BRD9: variants seen among roughly 807,000 people sequenced by gnomAD.
BRD9 encodes the protein bromodomain-containing protein 9.
A neutral mutation model predicts 68.7 loss-of-function variants in BRD9; 47 were observed. The ratio of observed to expected loss-of-function variants is 0.68; its 90% CI spans 0.54 to 0.87. The LOEUF (loss-of-function observed/expected upper bound fraction) is 0.87, where lower values mean the gene tolerates loss of function less well. BRD9 is among the 40% of genes least tolerant of loss of function. The pLI is 0.00. For missense variants in BRD9, 670 were observed against 748.4 expected (o/e 0.90, Z 1.22); for synonymous variants, 313 against 293.9 (o/e 1.06, Z -0.67).
chr5:881,159 C>G lies in BRD9; in HGVS notation c.990G>C (p.Gly330=). The change falls in exon 9 of 16, where the codon GGG becomes GGC. Residue 330 remains glycine (G), a synonymous_variant. Coordinates refer to ENST00000467963, the MANE Select transcript of BRD9 (RefSeq NM_023924.5). ...CCACGCTGTAGAGCAGGCTCCCGTC[C>G]CCGTTCCTCTTCAGATAGCCCATCT... is the stretch of plus-strand genomic sequence containing the variant. ...GGKMGYLKRN[G]DGSLLYSVVN... is the part of the protein sequence containing the mutation. 6.2e-7 allele frequency: 1 copy of G among 1,614,102 alleles called. No homozygotes were observed. Among genetic ancestry groups the G allele is most frequent in the Non-Finnish European group, 8.5e-7 (1 of 1,180,034 alleles).
chr5:877,241 C>T (rs1751087441), intron 11 of BRD9, among the ~76,000 whole-genome samples: 1 of 152,328 alleles, frequency 6.6e-6, no homozygotes, highest in South Asian at 2.1e-4. Flanking sequence ...GGAGCCACGG[C>T]CTTGGCCCAG....
At chr5:892,313 G>T in intron 1 of BRD9, 1 of 595,248 alleles carries the variant, frequency 1.7e-6, no homozygotes, top group South Asian at 2.4e-5. Context: ...GCTTCTCCCT[G>T]AGCTCCACAC....
Position 878,426 on chromosome 5 carries a change from G to C in BRD9, c.1200C>G (p.Asp400Glu), listed in dbSNP as rs375651328. The C allele has an allele frequency of 3.1e-6, 5 of 1,614,286 alleles. No homozygotes were observed. In the Admixed American group the frequency reaches 6.7e-5, roughly 22 times the overall value. Residue 400 changes from aspartate to glutamate, a missense_variant, in exon 11 of 16, where the codon GAC becomes GAG. Asp to Glu is a conservative substitution (Grantham distance 45). This residue lies in a region of BRD9 where 280 missense variants were observed against 281.5 expected (regional missense o/e 0.99). Transcript: ENST00000467963. ...LSMQNNSVFGDLKSDEMELLY... is the reference protein window; with the variant it reads ...LSMQNNSVFGELKSDEMELLY... ...GCAGCTCCATCTCGTCCGACTTCAA[G>C]TCGCCAAATACTGAATTATTCTGCA...
intron 14 of BRD9, chr5:865,890 G>A (rs182068314): frequency 7.8e-5 from 21 of 268,806 alleles, no homozygotes; most frequent in Non-Finnish European, 1.2e-4. Context: ...CCACAACCCA[G>A]GATGGGCCTG....
chr5:881,762 C>G (rs1481441653), intron 8 of BRD9: 2 of 155,798 alleles, frequency 1.3e-5, no homozygotes, highest in African/African-American at 4.8e-5. Flanking sequence ...CTGAGAAGAG[C>G]CGGACGTTTG....
chr5:870,322 C>T, intron 14 of BRD9, 151 bp downstream of exon 14: 4 of 632,506 alleles, frequency 6.3e-6, no homozygotes, highest in Middle Eastern at 3.9e-4. Context: ...AGCTATGGTC[C>T]AAAAACCTGG....
rs1254260208 is a variant in BRD9, at chr5:864,406, A to G, written c.*62T>C. The G allele has an allele frequency of 1.4e-6, 2 of 1,398,458 alleles. No individual in the cohort carries two copies. The highest frequency in any genetic ancestry group is 2.0e-6 in the Non-Finnish European group (2 of 1,018,932). 86.6% of individuals were successfully genotyped at this position (1,398,458 alleles called of 1,614,324 possible). A position where few individuals can be genotyped will look rare whatever the true frequency, so the allele number is the denominator to read the frequency against. ...ATCAAAGTCCTTGTCTGATGACAAA[A>G]ACTCTACACGTGCAAAATAAAACTA... On this transcript the variant is annotated 3_prime_UTR_variant, in exon 16 of 16. Transcript: ENST00000467963.
intron 1 of BRD9, 69 bp downstream of exon 1, chr5:892,537 C>T: frequency 6.6e-7 from 1 of 1,514,720 alleles, no homozygotes; most frequent in South Asian, 1.2e-5. Context: ...CCCCCGTCCG[C>T]GTGCCCGGAA....
Position 864,343 on chromosome 5 carries a change from C to G in BRD9, c.*125G>C, listed in dbSNP as rs1321500475. On this transcript the variant is annotated 3_prime_UTR_variant, in exon 16 of 16. Transcript: ENST00000467963. ...CATGATACCACAGACAATTCATTAC[C>G]TCCCCGCGGCTGCTTCCCGCATGCC... is the stretch of plus-strand genomic sequence containing the variant. 2.8e-6 allele frequency: 2 copies of G among 708,992 alleles called. No homozygotes were observed. Among genetic ancestry groups the G allele is most frequent in the Non-Finnish European group, 4.5e-6 (2 of 444,836 alleles). 43.9% of individuals were successfully genotyped at this position (708,992 alleles called of 1,614,324 possible).
chr5:881,223 G>A (rs561978228), intron 8 of BRD9, 41 bp from the exon 9 acceptor site: 10 of 1,582,750 alleles, frequency 6.3e-6, no homozygotes, highest in Non-Finnish European at 8.7e-6. Flanking sequence ...CCTCAGGAGG[G>A]GCAGCGCAGC....
rs1753646579 is a variant in BRD9, at chr5:892,709, G to A, written c.-52C>T. On this transcript the variant is annotated 5_prime_UTR_variant, in exon 1 of 16. Transcript: ENST00000467963. The stretch of plus-strand genomic sequence containing the variant: ...GGGGGCTGGGAACAGCTGGCACCCG[G>A]TCGGACCTTGGCCGCCACCGCCCCC... 2.3e-6 allele frequency: 3 copies of A among 1,323,774 alleles called. No individual in the cohort carries two copies. The highest frequency in any genetic ancestry group is 4.1e-5 in the Admixed American group (1 of 24,128). 82.0% of individuals were successfully genotyped at this position (1,323,774 alleles called of 1,614,324 possible). A position where few individuals can be genotyped will look rare whatever the true frequency, so the allele number is the denominator to read the frequency against.
chr5:891,542 C>A (rs1753401527), intron 2 of BRD9, 98 bp downstream of exon 2: 1 of 1,481,132 alleles, frequency 6.8e-7, no homozygotes, highest in Non-Finnish European at 8.9e-7. Flanking sequence ...CCCCTCCCCT[C>A]CTCCAGCCAC....
Position 891,813 on chromosome 5 carries a change from G to A in BRD9, c.94C>T (p.Leu32=), listed in dbSNP as rs1753454477. The A allele has an allele frequency of 1.3e-6, 2 of 1,551,592 alleles. No individual in the cohort carries two copies. Among genetic ancestry groups the A allele is most frequent in the Non-Finnish European group, 1.7e-6 (2 of 1,146,976 alleles). ...GTCACTTCACTTCCTCCGACCTTCA[G>A]GACTAGCTTTAGAGGCTTCTCCAGG... The part of the protein sequence containing the change: ...KPLEKPLKLV[L]KVGGSEVTEL... Residue 32 remains leucine (L), a synonymous_variant, in exon 2 of 16, where the codon CTG becomes TTG. Transcript: ENST00000467963.
rs1753551075 is a variant in BRD9 at position 892,262 on chromosome 5, G to C, written c.52+344C>G. The C allele has an allele frequency of 8.5e-6, 4 of 470,848 alleles. No individual in the cohort carries two copies. The East Asian group carries it at 1.7e-4, about 20-fold the overall frequency. 29.2% of individuals were successfully genotyped at this position (470,848 alleles called of 1,614,324 possible). ...TGACACCCATGGAGCTGCTGCGGGA[G>C]CAAGGGAGAGGGAGGGAAAGGCGGG... On this transcript the variant is annotated intron_variant, in intron 1 of 15. Transcript: ENST00000467963.
At chr5:865,112 T>G (rs1472147649) in intron 15 of BRD9, among the ~76,000 whole-genome samples, 3 of 152,136 alleles carry the variant, frequency 2.0e-5, no homozygotes, top group East Asian at 3.9e-4. Context: ...CCATGCTCTC[T>G]CCCCAGCAGA....
intron 14 of BRD9, among the ~76,000 whole-genome samples, chr5:868,394 C>T (rs1579903614): frequency 6.6e-6 from 1 of 152,222 alleles, no homozygotes; most frequent in East Asian, 1.9e-4. Flanking sequence ...GTAATAAGGA[C>T]AAAATCTTAG....
chr5:884,214 T>C, intron 7 of BRD9, 144 bp from the exon 8 acceptor site: 1 of 961,676 alleles, frequency 1.0e-6, no homozygotes, highest in Non-Finnish European at 1.5e-6. Flanking sequence ...CTTTTAGGTC[T>C]CAAAGCATCC....
intron 10 of BRD9, chr5:878,789 G>A (rs1258284748): frequency 6.3e-5 from 25 of 397,478 alleles, no homozygotes; most frequent in Non-Finnish European, 1.1e-4. Context: ...CGCACCGTCT[G>A]TCACTGTGGA....
intron 11 of BRD9, among the ~76,000 whole-genome samples, chr5:876,879 C>A (rs551560316): frequency 2.5e-4 from 38 of 152,242 alleles, no homozygotes; most frequent in African/African-American, 8.9e-4. Context: ...GTTAAAACAC[C>A]CACAGCCCGG....
Sources: allele counts gnomAD v4.1 joint callset (sites outside exome capture counted in the v4.1 genomes callset), GRCh38; gene constraint gnomAD v4.1.1; regional missense constraint gnomAD v4.1.1; transcripts MANE v1.5; gene names NCBI Gene and HGNC (gene_info 2026-07-23, HGNC 2026-07-21).